Variants in EML6 observed in about 807,000 individuals in gnomAD.
The protein encoded by EML6 is EMAP like 6.
EML6 carries 154 observed loss-of-function variants against 240.1 expected under a neutral mutation model. The ratio of observed to expected loss-of-function variants is 0.64; its 90% CI spans 0.56 to 0.73. The LOEUF is 0.73. Ranked by LOEUF, EML6 falls within the 30% of genes least tolerant of loss-of-function variation. EML6 has a pLI of 0.00. For missense variants in EML6, 2,964 were observed against 2,474.6 expected (o/e 1.20, Z -4.20); for synonymous variants, 1,148 against 899.0 (o/e 1.28, Z -4.95).
At chr2:54,952,567 C>A in intron 30 of EML6, 27 bp from the exon 31 acceptor site, 4 of 1,484,064 alleles carry the variant, frequency 2.7e-6, no homozygotes, top group Admixed American at 2.0e-5. Context: ...TTCCACTGTT[C>A]ACCCTCCCAT....
chr2:54,917,426 G>C (rs1271670587), intron 26 of EML6, among the ~76,000 whole-genome samples: 4 of 144,570 alleles, frequency 2.8e-5, no homozygotes, highest in African/African-American at 1.0e-4. Context: ...GTGCAGTGGC[G>C]CCATCTCGGC....
Position 54,850,218 on chromosome 2 carries a change from T to A in EML6, c.1444T>A (p.Ser482Thr). The change falls in exon 10 of 42, where the codon TCT (serine) becomes ACT (threonine). Residue 482 changes from serine to threonine, a missense_variant and splice_region_variant. Ser to Thr is a moderately conservative substitution (Grantham distance 58). Transcript: ENST00000356458. ...AGAACGATTGTTCTACAGAATGCCA[T>A]GTAAGTCATGTGGAGGCCTTGGATG... ...AGERLFYRMP[S>T]GKPLTSKEEI... is the part of the protein sequence containing the mutation. The A allele has an allele frequency of 6.4e-7, 1 of 1,550,584 alleles. No homozygotes were observed. The highest frequency in any genetic ancestry group is 2.4e-5 in the East Asian group (1 of 40,894).
chr2:54,959,962 C>T (rs1676418746), intron 34 of EML6, among the ~76,000 whole-genome samples: 1 of 152,112 alleles, frequency 6.6e-6, no homozygotes, highest in Admixed American at 6.5e-5. Flanking sequence ...TCTGAATTTC[C>T]AAATTACGTT....
intron 29 of EML6, among the ~76,000 whole-genome samples, chr2:54,949,695 C>T (rs1036875935): frequency 3.5e-4 from 54 of 152,328 alleles, no homozygotes; most frequent in Admixed American, 1.4e-3. Flanking sequence ...GAGAGTCCCA[C>T]ATTGCCAATG....
In EML6 at chr2:54,863,931, G is replaced by A. The variant is rs1475238823; in HGVS notation, c.1932+42G>A. 6.6e-6 allele frequency: 7 copies of A among 1,066,534 alleles called. No homozygotes were observed. In the East Asian group the frequency reaches 1.1e-4, roughly 16 times the overall value. The allele number at this position is 1,066,534 out of a possible 1,614,324, so 66.1% of individuals were successfully genotyped here. On this transcript the variant is annotated intron_variant, in intron 13 of 41. Coordinates refer to ENST00000356458, the MANE Select transcript of EML6 (RefSeq NM_001039753.4). ...CAATGAAAATTTGTAACCCCAGAAG[G>A]GGATCTCATTCCTGGATTTGGACAT...
At chr2:54,808,440 A>G (rs994322172) in intron 2 of EML6, among the ~76,000 whole-genome samples, 2 of 152,108 alleles carry the variant, frequency 1.3e-5, no homozygotes, top group Non-Finnish European at 2.9e-5. Flanking sequence ...TGCCTCTGAC[A>G]TGGAAAAGCT....
intron 4 of EML6, among the ~76,000 whole-genome samples, chr2:54,817,167 T>C (rs964317552): frequency 6.6e-6 from 1 of 152,218 alleles, no homozygotes; most frequent in African/African-American, 2.4e-5. Context: ...GAATTTGAAA[T>C]TATGTGTAGT....
At chr2:54,844,538 T>G (rs897338836) in intron 8 of EML6, among the ~76,000 whole-genome samples, 4 of 152,232 alleles carry the variant, frequency 2.6e-5, no homozygotes, top group African/African-American at 9.6e-5. Context: ...AGCACACTCA[T>G]CTATGATGAA....
At chr2:54,838,596 C>T (rs751373931) in intron 7 of EML6, among the ~76,000 whole-genome samples, 9 of 152,220 alleles carry the variant, frequency 5.9e-5, no homozygotes, top group Admixed American at 1.3e-4. Flanking sequence ...GGCCAGGCTT[C>T]AGGACTGTAG....
chr2:54,830,741 G>A (rs1402855016), intron 7 of EML6, among the ~76,000 whole-genome samples: 1 of 152,222 alleles, frequency 6.6e-6, no homozygotes, highest in African/African-American at 2.4e-5. Flanking sequence ...TTGAGCAACA[G>A]GGAAATGAGC....
At chr2:54,817,863 AC>A (rs71408795) in intron 4 of EML6, among the ~76,000 whole-genome samples, 16,186 of 151,834 alleles carry the variant, frequency 0.11, 1,098 homozygotes, top group Non-Finnish European at 0.16. Context: ...TTGTAAGGAG[AC>A]CCCACAGATG....
intron 24 of EML6, among the ~76,000 whole-genome samples, chr2:54,907,711 G>A (rs1476493994): frequency 6.6e-6 from 1 of 152,134 alleles, no homozygotes; most frequent in Non-Finnish European, 1.5e-5. Flanking sequence ...TGTGATGTAA[G>A]GACATGGGTG....
At chr2:54,749,839 T>C (rs1301264160) in intron 2 of EML6, among the ~76,000 whole-genome samples, 4 of 152,340 alleles carry the variant, frequency 2.6e-5, no homozygotes, top group South Asian at 4.2e-4. Context: ...CACTCAGTTA[T>C]TGTCATCTGA....
intron 26 of EML6, among the ~76,000 whole-genome samples, chr2:54,920,459 C>CA (rs1319708722): frequency 6.6e-6 from 1 of 151,958 alleles, no homozygotes; most frequent in Admixed American, 6.6e-5. Flanking sequence ...AACTGAAGTG[C>CA]AAAGAAATAG....
At chr2:54,729,085 A>G (rs1417511941) in intron 2 of EML6, among the ~76,000 whole-genome samples, 1 of 152,184 alleles carries the variant, frequency 6.6e-6, no homozygotes, top group Non-Finnish European at 1.5e-5. Context: ...AATCTTAACT[A>G]TCTCATCAGT....
chr2:54,951,864 TC>T (rs1675998808), intron 30 of EML6, among the ~76,000 whole-genome samples: 1 of 152,196 alleles, frequency 6.6e-6, no homozygotes, highest in Non-Finnish European at 1.5e-5. Flanking sequence ...TTCTTCACTT[TC>T]TAGCCTTGCC....
At chr2:54,921,697 A>G (rs1674263333) in intron 26 of EML6, among the ~76,000 whole-genome samples, 1 of 152,146 alleles carries the variant, frequency 6.6e-6, no homozygotes, top group Admixed American at 6.5e-5. Flanking sequence ...ACAAAGCTAT[A>G]GTAATCAAAA....
At chr2:54,854,130 A>G (rs1254649989) in intron 11 of EML6, among the ~76,000 whole-genome samples, 1 of 152,230 alleles carries the variant, frequency 6.6e-6, no homozygotes, top group East Asian at 1.9e-4. Flanking sequence ...CGAACAAGTC[A>G]TATTTATGTA....
intron 2 of EML6, among the ~76,000 whole-genome samples, chr2:54,793,134 G>A (rs112222304): frequency 0.017 from 2,590 of 152,162 alleles, 81 homozygotes; most frequent in African/African-American, 0.059. Context: ...GGGTGTAGTG[G>A]TGCATGCCTG....
Sources: gnomAD v4.1 joint callset for allele counts (sites outside exome capture counted in the v4.1 genomes callset) on GRCh38, gnomAD v4.1.1 for gene constraint, MANE v1.5 for transcripts, NCBI Gene and HGNC (gene_info 2026-07-23, HGNC 2026-07-21) for gene names.